The following BICD1 variants were observed in gnomAD, a reference collection of about 807,000 sequenced individuals.
BICD1 encodes the protein protein bicaudal D homolog 1.
In BICD1, 35 loss-of-function variants were observed where a neutral mutation model predicts 92.5. That is an observed-to-expected ratio of 0.38 (90% CI 0.29 to 0.50). The LOEUF (loss-of-function observed/expected upper bound fraction) is 0.50. BICD1 is among the 20% of genes least tolerant of loss of function. The pLI is 0.93. For synonymous variants in BICD1, 429 were observed against 465.1 expected (o/e 0.92, Z 1.00); for missense variants, 950 against 1,189.8 (o/e 0.80, Z 2.97).
chr12:32,129,469 G>A (rs1417266118), intron 1 of BICD1, among the ~76,000 whole-genome samples: 2 of 147,548 alleles, frequency 1.4e-5, no homozygotes, highest in African/African-American at 2.5e-5. Flanking sequence ...AGGTTGCAGT[G>A]AGCTGAGATG....
intron 1 of BICD1, among the ~76,000 whole-genome samples, chr12:32,140,569 C>T (rs1363447809): frequency 6.6e-6 from 1 of 152,154 alleles, no homozygotes; most frequent in Admixed American, 6.5e-5. Context: ...GCAACCCCGC[C>T]TCCCGGGTTC....
intron 1 of BICD1, among the ~76,000 whole-genome samples, chr12:32,171,988 C>CACAT (rs1555141634): frequency 2.1e-4 from 28 of 132,536 alleles, no homozygotes; most frequent in African/African-American, 7.8e-4. Context: ...CACACACACA[C>CACAT]ACTAAAACTG....
chr12:32,337,738 C>A lies in BICD1; in HGVS notation c.2492C>A (p.Thr831Asn). The change falls in exon 7 of 10, where the codon ACC (threonine) becomes AAC (asparagine). Residue 831 changes from threonine (T) to asparagine (N), a missense_variant. This residue lies in a region of BICD1 where 179 missense variants were observed against 186.7 expected (regional missense o/e 0.96). Transcript: ENST00000652176. This position sits in a 1 kb window ranked among gnomAD's most constrained non-coding sequence, Gnocchi z 4.7. The part of the protein sequence containing the change: ...VSGEASVTVP[T>N]IDTYLLHSQG... ...GGGGAGGCATCAGTCACCGTGCCCA[C>A]CATAGACACTTACCTCCTGCATAGT... 1 of 1,614,144 alleles carries A rather than the reference C, an allele frequency of 6.2e-7. No individual in the cohort carries two copies. The highest frequency in any genetic ancestry group is 1.1e-5 in the South Asian group (1 of 91,076).
chr12:32,130,208 AT>A (rs35138376), intron 1 of BICD1, among the ~76,000 whole-genome samples: 113 of 147,250 alleles, frequency 7.7e-4, no homozygotes, highest in African/African-American at 8.2e-4. Flanking sequence ...CAGTGACAAA[AT>A]TTTTTTTTTT....
In BICD1 at chr12:32,107,292, C is replaced by T. The variant is rs1411175725; in HGVS notation, c.-40C>T. On this transcript the variant is annotated 5_prime_UTR_variant, in exon 1 of 10. Coordinates refer to ENST00000652176, the MANE Select transcript of BICD1 (RefSeq NM_001714.4). ...CCCCGCCAGCTTCGCATCCATCTCC[C>T]CCACCCCGTAACCCCCTCCTGCCTC... 1 of 1,531,336 alleles carries T rather than the reference C, an allele frequency of 6.5e-7. No homozygotes were observed. The highest frequency in any genetic ancestry group is 1.4e-5 in the African/African-American group (1 of 73,394). The allele number at this position is 1,531,336 out of a possible 1,614,324, so 94.9% of individuals were successfully genotyped here. A position where few individuals can be genotyped will look rare whatever the true frequency, so the allele number is the denominator to read the frequency against.
chr12:32,123,200 T>C (rs1469171726), intron 1 of BICD1, among the ~76,000 whole-genome samples: 1 of 152,124 alleles, frequency 6.6e-6, no homozygotes, highest in Non-Finnish European at 1.5e-5. Flanking sequence ...GAAAGCCTCA[T>C]TGAGAAGACA....
At chr12:32,171,129 A>G (rs1943923311) in intron 1 of BICD1, among the ~76,000 whole-genome samples, 1 of 152,342 alleles carries the variant, frequency 6.6e-6, no homozygotes, top group African/African-American at 2.4e-5. Context: ...CTCTCAATAG[A>G]GAAATTCTAC....
intron 2 of BICD1, among the ~76,000 whole-genome samples, chr12:32,282,565 C>T (rs886749047): frequency 6.6e-6 from 1 of 151,978 alleles, no homozygotes; most frequent in African/African-American, 2.4e-5. Context: ...TTAACCCTGA[C>T]GTGGATTTGA....
rs560390982 is a variant in BICD1, at chr12:32,300,984, A to G, written c.580-4713A>G. 2.7e-3 allele frequency among the ~76,000 whole-genome samples: 415 copies of G among 152,162 alleles called. 2 individuals carry two copies. Among genetic ancestry groups the G allele is most frequent in the South Asian group, 8.7e-3 (42 of 4,818 alleles). ...CAGTATTTAAGCAGGCCTGAAAGAA[A>G]CCATGACACAAGGAAACACACTGCT... On this transcript the variant is annotated intron_variant, in intron 3 of 9. Coordinates refer to ENST00000652176, the MANE Select transcript of BICD1 (RefSeq NM_001714.4).
intron 1 of BICD1, among the ~76,000 whole-genome samples, chr12:32,119,137 G>A (rs1490081900): frequency 6.6e-6 from 1 of 152,178 alleles, no homozygotes; most frequent in African/African-American, 2.4e-5. Context: ...GAGGACAAGT[G>A]CCAAGATCTG....
At chr12:32,112,834 T>A (rs1941748503) in intron 1 of BICD1, among the ~76,000 whole-genome samples, 1 of 152,200 alleles carries the variant, frequency 6.6e-6, no homozygotes. Context: ...TCATTTTTAC[T>A]GATAAGAAGA....
At position 32,275,968 on chromosome 12, in the gene BICD1, GCCACCATCTTGGAAGCCGCCCA is replaced by G. The variant is rs1360019349; in HGVS notation, c.427-18009_427-17988del. 2.8e-4 allele frequency among the ~76,000 whole-genome samples: 42 copies of G among 152,204 alleles called. No homozygotes were observed. The East Asian group carries it at 7.9e-3, about 29-fold the overall frequency. On this transcript the variant is annotated intron_variant, in intron 2 of 9. Transcript: ENST00000652176. ...CCCCAGGTCAGAGAACACGAGGCTT[GCCACCATCTTGGAAGCCGCCCA>G]CCACCATCTTGGAAGCGGCTTGCCA...
At chr12:32,241,586 G>A (rs995721057) in intron 2 of BICD1, among the ~76,000 whole-genome samples, 14 of 152,162 alleles carry the variant, frequency 9.2e-5, no homozygotes, top group African/African-American at 3.1e-4. Context: ...GCATGTCCTA[G>A]ATGGCCTTGA....
chr12:32,251,175 A>T (rs949144944), intron 2 of BICD1, among the ~76,000 whole-genome samples: 1 of 152,246 alleles, frequency 6.6e-6, no homozygotes, highest in Admixed American at 6.5e-5. Flanking sequence ...TACTTCTTTA[A>T]AATGCCAATT....
Position 32,348,723 on chromosome 12 carries a change from AAT to A in BICD1, c.2764+9799_2764+9800del, listed in dbSNP as rs11272207. Among the ~76,000 whole-genome samples, 244 of 117,130 alleles carry A rather than the reference AAT, an allele frequency of 2.1e-3. 1 individual carries two copies. Among genetic ancestry groups the A allele is most frequent in the Non-Finnish European group, 3.0e-3 (161 of 53,048 alleles). The allele number at this position is 117,130 out of a possible 152,430, so 76.8% of individuals were successfully genotyped here. On this transcript the variant is annotated intron_variant, in intron 8 of 9. Coordinates refer to ENST00000652176, the MANE Select transcript of BICD1 (RefSeq NM_001714.4). ...AATGATGCTTTCTAGCTCACACAAA[AAT>A]ATATATATATATATATATATATATA...
At chr12:32,278,902 C>T (rs1292337835) in intron 2 of BICD1, among the ~76,000 whole-genome samples, 1 of 150,904 alleles carries the variant, frequency 6.6e-6, no homozygotes, top group African/African-American at 2.5e-5. Context: ...TAAATTGCAG[C>T]CCATTGAGTG....
intron 4 of BICD1, among the ~76,000 whole-genome samples, chr12:32,324,364 C>CA (rs928205068): frequency 3.1e-4 from 40 of 131,068 alleles, no homozygotes; most frequent in Admixed American, 8.6e-4. Flanking sequence ...AAAAAAAAAA[C>CA]AAAAAAAAAA....
At chr12:32,206,641 A>C (rs1945065945) in intron 1 of BICD1, among the ~76,000 whole-genome samples, 1 of 152,198 alleles carries the variant, frequency 6.6e-6, no homozygotes, top group African/African-American at 2.4e-5. Context: ...CTCTTCCTTC[A>C]GCAAATGTAT....
At chr12:32,375,178 G>A (rs1565705029) in intron 9 of BICD1, among the ~76,000 whole-genome samples, 3 of 151,716 alleles carry the variant, frequency 2.0e-5, no homozygotes, top group Admixed American at 1.3e-4. Context: ...GCCCGCCTTG[G>A]CCTCCTGAAG....
Sources: allele counts gnomAD v4.1 joint callset (sites outside exome capture counted in the v4.1 genomes callset), GRCh38; gene constraint gnomAD v4.1.1; regional missense constraint gnomAD v4.1.1; non-coding constraint Gnocchi (gnomAD v3.1); transcripts MANE v1.5; gene names NCBI Gene and HGNC (gene_info 2026-07-23, HGNC 2026-07-21).